The following PCDH9 variants were observed in gnomAD, a reference collection of about 807,000 sequenced individuals.
PCDH9 encodes protocadherin-9.
PCDH9 carries 24 observed loss-of-function variants against 70.6 expected under a neutral mutation model. The ratio of observed to expected loss-of-function variants is 0.34; its 90% CI spans 0.25 to 0.48. The LOEUF (loss-of-function observed/expected upper bound fraction) is 0.48. PCDH9 is among the 20% of genes least tolerant of loss of function. PCDH9 has a pLI of 0.99. For missense variants in PCDH9, 1,281 were observed against 1,503.6 expected, an observed-to-expected ratio of 0.85 and a Z score of 2.45; for synonymous variants, 562 against 558.5, an observed-to-expected ratio of 1.01 and a Z score of -0.09.
chr13:66,988,899 A>G (rs554065845), intron 2 of PCDH9, among the ~76,000 whole-genome samples: 31 of 152,132 alleles, frequency 2.0e-4, no homozygotes, highest in African/African-American at 4.6e-4. Context: ...TGGAAAGCCA[A>G]TGAAGACAAC....
intron 3 of PCDH9, among the ~76,000 whole-genome samples, chr13:66,655,426 C>A (rs1439292191): frequency 6.6e-6 from 1 of 151,858 alleles, no homozygotes; most frequent in Middle Eastern, 3.2e-3. Flanking sequence ...CTATTCAATG[C>A]AATGAAATGC....
At chr13:66,325,398 C>T (rs937253543) in intron 4 of PCDH9, among the ~76,000 whole-genome samples, 21 of 152,016 alleles carry the variant, frequency 1.4e-4, no homozygotes, top group South Asian at 2.1e-4. Flanking sequence ...GGACTTATGA[C>T]GAGTTTTCTG....
chr13:67,107,466 C>T (rs1566429400), intron 2 of PCDH9, among the ~76,000 whole-genome samples: 1 of 152,190 alleles, frequency 6.6e-6, no homozygotes, highest in Non-Finnish European at 1.5e-5. Flanking sequence ...GAAACTACCA[C>T]TCTGGGCCTC....
At chr13:67,123,155 A>G (rs575245550) in intron 2 of PCDH9, among the ~76,000 whole-genome samples, 81 of 152,342 alleles carry the variant, frequency 5.3e-4, no homozygotes, top group African/African-American at 1.9e-3. Context: ...TATAGCAAAT[A>G]CCCTTTTTCT....
chr13:66,928,121 G>A (rs551570475), intron 2 of PCDH9, among the ~76,000 whole-genome samples: 64 of 152,172 alleles, frequency 4.2e-4, no homozygotes, highest in African/African-American at 1.5e-3. Context: ...TGGGTGTCAC[G>A]AGCCATGGGT....
At chr13:66,768,128 A>G (rs529503619) in intron 3 of PCDH9, among the ~76,000 whole-genome samples, 1 of 152,204 alleles carries the variant, frequency 6.6e-6, no homozygotes, top group African/African-American at 2.4e-5. Context: ...ATTTATTGGT[A>G]TCTGTATGTG....
In PCDH9 at chr13:67,035,415, A is replaced by G. The variant is rs1238300847; in HGVS notation, c.3037-131810T>C. ...TGGTTGAATTATGTTTATAAAGTTG[A>G]CATACAGCTTTCAGTTTCTTAAGTG... On this transcript the variant is annotated intron_variant, in intron 2 of 4. Coordinates refer to ENST00000377865, the MANE Select transcript of PCDH9 (RefSeq NM_203487.3). Among the ~76,000 whole-genome samples, 6 of 152,176 alleles carry G rather than the reference A, an allele frequency of 3.9e-5. No homozygotes were observed. In the East Asian group the frequency reaches 1.2e-3, roughly 29 times the overall value.
intron 2 of PCDH9, among the ~76,000 whole-genome samples, chr13:66,954,055 C>T (rs1308761326): frequency 6.6e-6 from 1 of 152,164 alleles, no homozygotes; most frequent in Non-Finnish European, 1.5e-5. Flanking sequence ...ATGAAGAAGC[C>T]TCTGATTAGG....
chr13:67,139,280 G>A (rs1326394335), intron 2 of PCDH9, among the ~76,000 whole-genome samples: 1 of 152,180 alleles, frequency 6.6e-6, no homozygotes, highest in East Asian at 1.9e-4. Context: ...TGTTCTGACT[G>A]CTCAACATTG....
At chr13:66,445,658 G>C (rs141282396) in intron 4 of PCDH9, among the ~76,000 whole-genome samples, 5,039 of 122,968 alleles carry the variant, frequency 0.041, 384 homozygotes, top group African/African-American at 0.14. Context: ...TATATATACA[G>C]ATATATATTA....
At chr13:66,570,232 A>G (rs1299887038) in intron 4 of PCDH9, among the ~76,000 whole-genome samples, 1 of 152,166 alleles carries the variant, frequency 6.6e-6, no homozygotes, top group East Asian at 1.9e-4. Flanking sequence ...AGGACAGATT[A>G]TGGTTACCAT....
chr13:67,215,047 C>T (rs566281425), intron 2 of PCDH9: 8 of 146,554 alleles, frequency 5.5e-5, no homozygotes, highest in African/African-American at 1.8e-4. Context: ...AAAGCAAGGA[C>T]TAGTGCATTT....
At chr13:66,955,934 A>C (rs1362845868) in intron 2 of PCDH9, among the ~76,000 whole-genome samples, 1 of 152,170 alleles carries the variant, frequency 6.6e-6, no homozygotes, top group Non-Finnish European at 1.5e-5. Context: ...TCTACTAAAA[A>C]TAAAAAATAA....
At chr13:66,631,813 A>G (rs2077575194) in intron 3 of PCDH9, among the ~76,000 whole-genome samples, 2 of 152,228 alleles carry the variant, frequency 1.3e-5, no homozygotes, top group South Asian at 4.1e-4. Flanking sequence ...CTTTTGAATG[A>G]CCAGACATTG....
intron 2 of PCDH9, among the ~76,000 whole-genome samples, chr13:67,159,933 G>A (rs866484343): frequency 6.6e-6 from 1 of 151,890 alleles, no homozygotes; most frequent in Non-Finnish European, 1.5e-5. Context: ...TTGCATAGTC[G>A]CTGAGATTTT....
At position 67,062,726 on chromosome 13, in the gene PCDH9, A is replaced by G. The variant is rs972089343; in HGVS notation, c.3037-159121T>C. Among the ~76,000 whole-genome samples the G allele has an allele frequency of 3.3e-5, 5 of 152,224 alleles. No homozygotes were observed. In the East Asian group the frequency reaches 9.6e-4, roughly 29 times the overall value. On this transcript the variant is annotated intron_variant, in intron 2 of 4. Coordinates refer to ENST00000377865, the MANE Select transcript of PCDH9 (RefSeq NM_203487.3). ...GGAATTATAAAAGTATTCTGAAGTC[A>G]GAAGATTTGGGAATGAATTTGTGTC...
chr13:66,807,971 G>A lies in PCDH9; in HGVS notation c.3138+95533C>T, dbSNP rs186317280. Among the ~76,000 whole-genome samples the A allele has an allele frequency of 4.6e-3, 703 of 152,218 alleles. 8 individuals are homozygous for A. The highest frequency in any genetic ancestry group is 0.016 in the African/African-American group (678 of 41,528). Reference sequence around the variant, plus strand: ...AGAGGGCTGGGTGGTTGAGTGTTATGGGGGTAGATGGAGGAGAGTTTGGCA... The same window carrying A: ...AGAGGGCTGGGTGGTTGAGTGTTATAGGGGTAGATGGAGGAGAGTTTGGCA... On this transcript the variant is annotated intron_variant, in intron 3 of 4. Coordinates refer to ENST00000377865, the MANE Select transcript of PCDH9 (RefSeq NM_203487.3).
At chr13:66,510,759 T>C (rs1229178881) in intron 4 of PCDH9, among the ~76,000 whole-genome samples, 1 of 152,216 alleles carries the variant, frequency 6.6e-6, no homozygotes, top group African/African-American at 2.4e-5. Flanking sequence ...CAGTCTATCA[T>C]TGTTGGGCAT....
At chr13:66,663,411 A>C (rs1310976541) in intron 3 of PCDH9, among the ~76,000 whole-genome samples, 5 of 152,350 alleles carry the variant, frequency 3.3e-5, no homozygotes, top group African/African-American at 1.2e-4. Flanking sequence ...GCACTTTCCG[A>C]GAAGGCCTTA....
Sources: gnomAD v4.1 joint callset for allele counts (sites outside exome capture counted in the v4.1 genomes callset) on GRCh38, gnomAD v4.1.1 for gene constraint, MANE v1.5 for transcripts, NCBI Gene and HGNC (gene_info 2026-07-23, HGNC 2026-07-21) for gene names.